RGS10: variants seen among roughly 807,000 people sequenced by gnomAD.
RGS10 encodes regulator of G protein signaling 10.
A neutral mutation model predicts 23.5 loss-of-function variants in RGS10; 11 were observed. That is an observed-to-expected ratio of 0.47 (90% CI 0.29 to 0.77). RGS10 has a LOEUF of 0.77. RGS10 is among the 30% of genes least tolerant of loss of function. The probability of loss-of-function intolerance (pLI) is 0.08; values close to 1 mark genes in which losing one functional copy is unlikely to be tolerated. For synonymous variants in RGS10, 77 were observed against 83.2 expected, an observed-to-expected ratio of 0.92 and a Z score of 0.41; for missense variants, 180 against 226.3, an observed-to-expected ratio of 0.80 and a Z score of 1.31.
intron 1 of RGS10, among the ~76,000 whole-genome samples, chr10:119,529,649 C>T (rs1043283190): frequency 1.1e-4 from 16 of 152,250 alleles, no homozygotes; most frequent in Admixed American, 5.9e-4. Context: ...AATGTGAGCT[C>T]CTTTCTTCCC....
In RGS10 at chr10:119,526,132, GAA is replaced by G; in HGVS notation, c.169-16_169-15del. ...TTTTAAAAATTCCTGTGGATACAAA[GAA>G]AAAGAGTCACACAGTATTCTACTTT... On this transcript the variant is annotated splice_polypyrimidine_tract_variant and intron_variant, in intron 2 of 4. Coordinates refer to ENST00000369103, the MANE Select transcript of RGS10 (RefSeq NM_001005339.2). 1.5e-6 allele frequency: 2 copies of G among 1,345,534 alleles called. No individual in the cohort carries two copies. Among genetic ancestry groups the G allele is most frequent in the Admixed American group, 2.0e-5 (1 of 49,344 alleles). 83.3% of individuals were successfully genotyped at this position (1,345,534 alleles called of 1,614,324 possible).
chr10:119,534,857 T>C (rs1005061393), intron 1 of RGS10, among the ~76,000 whole-genome samples: 6 of 151,770 alleles, frequency 4.0e-5, no homozygotes, highest in African/African-American at 1.5e-4. Context: ...GCCACTGCAC[T>C]CCAGCCTGGT....
intron 1 of RGS10, among the ~76,000 whole-genome samples, chr10:119,537,431 T>C (rs1242424789): frequency 6.6e-6 from 1 of 151,578 alleles, no homozygotes; most frequent in Non-Finnish European, 1.5e-5. Context: ...GAGCACTTAC[T>C]ATATCCCATC....
intron 1 of RGS10, among the ~76,000 whole-genome samples, 198 bp downstream of exon 1, chr10:119,542,392 C>T (rs897481419): frequency 3.3e-5 from 5 of 152,240 alleles, no homozygotes; most frequent in African/African-American, 1.2e-4. Context: ...CCCCGGGGCT[C>T]CCGGAGGAGC....
At position 119,542,572 on chromosome 10, in the gene RGS10, G is replaced by T. The variant is rs760937217; in HGVS notation, c.49+18C>A. On this transcript the variant is annotated intron_variant, in intron 1 of 4. Coordinates refer to ENST00000369103, the MANE Select transcript of RGS10 (RefSeq NM_001005339.2). Reference sequence around the variant, plus strand: ...CGGCGCCCCGACCCCGAGCCCGCGGGCCCCCGAAGCCGCTTACCTGACGGC... The same window carrying T: ...CGGCGCCCCGACCCCGAGCCCGCGGTCCCCCGAAGCCGCTTACCTGACGGC... 5 of 1,399,048 alleles carry T rather than the reference G, an allele frequency of 3.6e-6. No individual in the cohort carries two copies. The East Asian group carries it at 9.2e-5, about 26-fold the overall frequency. 86.7% of individuals were successfully genotyped at this position (1,399,048 alleles called of 1,614,324 possible). A position where few individuals can be genotyped will look rare whatever the true frequency, so the allele number is the denominator to read the frequency against.
At position 119,499,998 on chromosome 10, in the gene RGS10, G is replaced by T. The variant is rs1366749675; in HGVS notation, c.*115C>A. ...CAGTTAATAAAACACACATCCCATTGAAGGGTTTTGTACATTTCAGTCCTT... is the reference window on the plus strand; with the variant it reads ...CAGTTAATAAAACACACATCCCATTTAAGGGTTTTGTACATTTCAGTCCTT... On this transcript the variant is annotated 3_prime_UTR_variant, in exon 5 of 5. Transcript: ENST00000369103. 2.9e-6 allele frequency: 3 copies of T among 1,043,452 alleles called. No individual in the cohort carries two copies. Among genetic ancestry groups the T allele is most frequent in the Non-Finnish European group, 4.1e-6 (3 of 731,662 alleles). The allele number at this position is 1,043,452 out of a possible 1,614,324, so 64.6% of individuals were successfully genotyped here. A position where few individuals can be genotyped will look rare whatever the true frequency, so the allele number is the denominator to read the frequency against.
chr10:119,535,274 A>C (rs1479354480), intron 1 of RGS10, among the ~76,000 whole-genome samples: 1 of 151,676 alleles, frequency 6.6e-6, no homozygotes, highest in African/African-American at 2.4e-5. Context: ...CCATGCAGAA[A>C]AAAAAAAAAA....
intron 4 of RGS10, among the ~76,000 whole-genome samples, chr10:119,502,236 C>T (rs1055836188): frequency 6.6e-6 from 1 of 152,132 alleles, no homozygotes; most frequent in African/African-American, 2.4e-5. Flanking sequence ...GGCCTCCCAC[C>T]GACGTGCTAA....
chr10:119,540,060 T>G (rs1472019041), intron 1 of RGS10, among the ~76,000 whole-genome samples: 1 of 152,148 alleles, frequency 6.6e-6, no homozygotes, highest in Non-Finnish European at 1.5e-5. Context: ...TCACTAGGCT[T>G]CTTCTTTTCA....
At chr10:119,520,376 G>A (rs1237753334) in intron 3 of RGS10, among the ~76,000 whole-genome samples, 4 of 152,138 alleles carry the variant, frequency 2.6e-5, no homozygotes, top group African/African-American at 9.7e-5. Flanking sequence ...GAGACGGCAG[G>A]AGCTCGAGGG....
At position 119,518,859 on chromosome 10, in the gene RGS10, C is replaced by T. The variant is rs1290557540; in HGVS notation, c.256-3207G>A. 2.0e-5 allele frequency among the ~76,000 whole-genome samples: 3 copies of T among 152,124 alleles called. No individual in the cohort carries two copies. The East Asian group carries it at 5.8e-4, about 29-fold the overall frequency. ...AGCTGGGATTACAGGAGTCCGCCAC[C>T]ACGCCCGGCTAATTTTTTGTATTTT... On this transcript the variant is annotated intron_variant, in intron 3 of 4. Coordinates refer to ENST00000369103, the MANE Select transcript of RGS10 (RefSeq NM_001005339.2).
chr10:119,511,459 A>C (rs962378617), intron 4 of RGS10, among the ~76,000 whole-genome samples: 1 of 152,112 alleles, frequency 6.6e-6, no homozygotes, highest in Non-Finnish European at 1.5e-5. Flanking sequence ...TCTCTACTAA[A>C]AATACAAAAA....
At chr10:119,530,754 G>A (rs1295329531) in intron 1 of RGS10, among the ~76,000 whole-genome samples, 1 of 152,230 alleles carries the variant, frequency 6.6e-6, no homozygotes, top group Non-Finnish European at 1.5e-5. Flanking sequence ...GAGCCCAGGA[G>A]TTCAAGGCTG....
chr10:119,513,563 C>T (rs1844102081), intron 4 of RGS10, among the ~76,000 whole-genome samples: 1 of 152,108 alleles, frequency 6.6e-6, no homozygotes, highest in Non-Finnish European at 1.5e-5. Flanking sequence ...TCTGTGCTGG[C>T]TAAGCCTCCC....
At chr10:119,511,078 C>G (rs769273468) in intron 4 of RGS10, among the ~76,000 whole-genome samples, 1 of 152,100 alleles carries the variant, frequency 6.6e-6, no homozygotes, top group Non-Finnish European at 1.5e-5. Context: ...CTGAAGAAAC[C>G]ACCTCTTTGT....
At position 119,527,603 on chromosome 10, in the gene RGS10, C is replaced by T. The variant is rs1844291087; in HGVS notation, c.50-179G>A. 3 of 591,864 alleles carry T rather than the reference C, an allele frequency of 5.1e-6. No individual in the cohort carries two copies. Among genetic ancestry groups the T allele is most frequent in the African/African-American group, 3.7e-5 (2 of 54,150 alleles). The allele number at this position is 591,864 out of a possible 1,614,324, so 36.7% of individuals were successfully genotyped here. Reference sequence around the variant, plus strand: ...ATTCTTGTCACACAACCCTGTAAGGCAGGCACTACTATTTCCTCCATTTTA... The same window carrying T: ...ATTCTTGTCACACAACCCTGTAAGGTAGGCACTACTATTTCCTCCATTTTA... On this transcript the variant is annotated intron_variant, in intron 1 of 4. Coordinates refer to ENST00000369103, the MANE Select transcript of RGS10 (RefSeq NM_001005339.2). The surrounding 1 kb of genome is among the most constrained non-coding windows in gnomAD (Gnocchi z 4.2).
At chr10:119,520,851 G>GA (rs1844204928) in intron 3 of RGS10, among the ~76,000 whole-genome samples, 1 of 149,170 alleles carries the variant, frequency 6.7e-6, no homozygotes, top group Non-Finnish European at 1.5e-5. Flanking sequence ...AATAAAACAT[G>GA]AAATTAAGGG....
intron 3 of RGS10, among the ~76,000 whole-genome samples, chr10:119,522,985 C>T (rs1261360824): frequency 5.5e-4 from 82 of 150,044 alleles, no homozygotes; most frequent in South Asian, 2.1e-4. Flanking sequence ...CAACTACAGG[C>T]GCACTCCATC....
intron 2 of RGS10, among the ~76,000 whole-genome samples, chr10:119,526,689 C>T (rs1190828335): frequency 6.6e-6 from 1 of 152,196 alleles, no homozygotes; most frequent in Non-Finnish European, 1.5e-5. Context: ...ACCTGCCACT[C>T]CCTCCCTGGG....
Sources: gnomAD v4.1 joint callset for allele counts (sites outside exome capture counted in the v4.1 genomes callset) on GRCh38, gnomAD v4.1.1 for gene constraint, Gnocchi (gnomAD v3.1) non-coding constraint, MANE v1.5 for transcripts, NCBI Gene and HGNC (gene_info 2026-07-23, HGNC 2026-07-21) for gene names.